The following VPS13D variants were observed in gnomAD, a reference collection of about 807,000 sequenced individuals.
The protein encoded by VPS13D is intermembrane lipid transfer protein VPS13D.
In VPS13D, 187 loss-of-function variants were observed where a neutral mutation model predicts 461.9. That is an observed-to-expected ratio of 0.40 (90% CI 0.36 to 0.46). The LOEUF is 0.46. Ranked by LOEUF, VPS13D falls within the 20% of genes least tolerant of loss-of-function variation. The pLI, the probability that VPS13D is intolerant of heterozygous loss-of-function variation, is 0.60. For synonymous variants in VPS13D, 1,951 were observed against 1,986.3 expected, an observed-to-expected ratio of 0.98 and a Z score of 0.47; for missense variants, 4,711 against 5,364.9, an observed-to-expected ratio of 0.88 and a Z score of 3.81.
intron 44 of VPS13D, among the ~76,000 whole-genome samples, chr1:12,347,996 C>G (rs1643712496): frequency 6.6e-6 from 1 of 152,090 alleles, no homozygotes; most frequent in East Asian, 1.9e-4. Flanking sequence ...CCTTGGTGTC[C>G]TTTTTATGAA....
In VPS13D at chr1:12,502,872, C is replaced by T. The variant is rs1386302395; in HGVS notation, c.12795-3981C>T. On this transcript the variant is annotated intron_variant, in intron 68 of 69. Transcript: ENST00000620676. The surrounding 1 kb of genome is among the most constrained non-coding windows in gnomAD (Gnocchi z 4.3). ...TCAACAGAAGAGCTACCATTAACTG[C>T]GGATCTCTTCTGTGTGGGGCACGTA... is the stretch of plus-strand genomic sequence containing the variant. Among the ~76,000 whole-genome samples the T allele has an allele frequency of 2.6e-5, 4 of 152,244 alleles. No individual in the cohort carries two copies. The highest frequency in any genetic ancestry group is 2.1e-4 in the South Asian group (1 of 4,824).
At chr1:12,239,482 G>A (rs1195189488) in intron 2 of VPS13D, among the ~76,000 whole-genome samples, 1 of 152,234 alleles carries the variant, frequency 6.6e-6, no homozygotes, top group African/African-American at 2.4e-5. Context: ...CACTGGGCAG[G>A]TCCCCACATT....
At position 12,279,798 on chromosome 1, in the gene VPS13D, C is replaced by A; in HGVS notation, c.4602+148C>A. 2 of 765,308 alleles carry A rather than the reference C, an allele frequency of 2.6e-6. No individual in the cohort carries two copies. Among genetic ancestry groups the A allele is most frequent in the Non-Finnish European group, 3.7e-6 (2 of 545,688 alleles). The allele number at this position is 765,308 out of a possible 1,614,324, so 47.4% of individuals were successfully genotyped here. ...ATAATACCATTGTTGAAACCTTGTT[C>A]CAATAATTGTGGAATCCTTTTGTCA... On this transcript the variant is annotated intron_variant, in intron 20 of 69. Coordinates refer to ENST00000620676, the MANE Select transcript of VPS13D (RefSeq NM_015378.4). The surrounding 1 kb of genome is among the most constrained non-coding windows in gnomAD (Gnocchi z 4.3).
At chr1:12,323,863 G>T (rs1643109360) in intron 35 of VPS13D, 83 bp downstream of exon 35, 1 of 1,412,826 alleles carries the variant, frequency 7.1e-7, no homozygotes, top group African/African-American at 1.4e-5. Flanking sequence ...TCCACAAGGT[G>T]ACTTAGAGAG....
At chr1:12,346,724 A>T (rs1643684930) in intron 44 of VPS13D, 72 bp downstream of exon 44, 1 of 1,377,256 alleles carries the variant, frequency 7.3e-7, no homozygotes, top group Non-Finnish European at 1.0e-6. Flanking sequence ...GTGGATATAC[A>T]TTTCTTAATG....
intron 63 of VPS13D, among the ~76,000 whole-genome samples, chr1:12,412,881 G>T (rs1178549521): frequency 6.6e-6 from 1 of 152,122 alleles, no homozygotes; most frequent in African/African-American, 2.4e-5. Flanking sequence ...AATGGAAGAA[G>T]ATATTTGCAA....
At chr1:12,427,735 G>T (rs991620602) in intron 65 of VPS13D, among the ~76,000 whole-genome samples, 2 of 152,284 alleles carry the variant, frequency 1.3e-5, no homozygotes, top group Middle Eastern at 3.4e-3. Context: ...CCAGGAACCA[G>T]TTCCCAATGG....
intron 18 of VPS13D, among the ~76,000 whole-genome samples, chr1:12,274,714 C>T (rs186360300): frequency 3.3e-4 from 50 of 152,278 alleles, no homozygotes; most frequent in Non-Finnish European, 6.3e-4. Context: ...GATCAGTTAC[C>T]GCTCACCAAG....
chr1:12,293,879 T>C (rs950945561), intron 24 of VPS13D, among the ~76,000 whole-genome samples, 175 bp downstream of exon 24: 8 of 152,252 alleles, frequency 5.3e-5, no homozygotes, highest in Non-Finnish European at 1.2e-4. Flanking sequence ...CCTTATTTAT[T>C]GTATCTCACT....
At chr1:12,295,261 G>T (rs937607759) in intron 24 of VPS13D, among the ~76,000 whole-genome samples, 3 of 148,062 alleles carry the variant, frequency 2.0e-5, no homozygotes, top group Non-Finnish European at 3.0e-5. Context: ...TTAGGTAAAA[G>T]ATTATAATTT....
At chr1:12,496,382 T>C (rs1645957268) in intron 67 of VPS13D, among the ~76,000 whole-genome samples, 2 of 152,224 alleles carry the variant, frequency 1.3e-5, no homozygotes, top group South Asian at 4.1e-4. Flanking sequence ...GCCCATTGCA[T>C]GGCCTGTGAC....
chr1:12,483,404 C>A (rs1487421247), intron 67 of VPS13D, among the ~76,000 whole-genome samples: 1 of 152,108 alleles, frequency 6.6e-6, no homozygotes, highest in Non-Finnish European at 1.5e-5. Flanking sequence ...TTGGATTTTT[C>A]TTCTTTTGTG....
intron 26 of VPS13D, among the ~76,000 whole-genome samples, chr1:12,308,004 G>A (rs772018004): frequency 6.6e-6 from 1 of 152,182 alleles, no homozygotes; most frequent in Non-Finnish European, 1.5e-5. Flanking sequence ...GGAAATGGAC[G>A]TGGTTACATG....
intron 63 of VPS13D, among the ~76,000 whole-genome samples, chr1:12,411,306 A>G (rs77342863): frequency 7.2e-5 from 11 of 152,348 alleles, no homozygotes; most frequent in African/African-American, 2.6e-4. Flanking sequence ...CATGTCAGCA[A>G]TAATAACAGA....
At chr1:12,445,605 T>G (rs1288587842) in intron 65 of VPS13D, among the ~76,000 whole-genome samples, 1 of 152,214 alleles carries the variant, frequency 6.6e-6, no homozygotes, top group Non-Finnish European at 1.5e-5. Flanking sequence ...AGGGACATCC[T>G]AGGCAAATCC....
At chr1:12,256,960 T>C (rs765480701) in intron 8 of VPS13D, 27 bp from the exon 9 acceptor site, 1 of 1,610,152 alleles carries the variant, frequency 6.2e-7, no homozygotes, top group South Asian at 1.1e-5. Flanking sequence ...TATTCTAACC[T>C]AGTATCTCTT....
At chr1:12,230,371 C>T (rs1639922192) in intron 1 of VPS13D, among the ~76,000 whole-genome samples, 1 of 152,132 alleles carries the variant, frequency 6.6e-6, no homozygotes, top group Non-Finnish European at 1.5e-5. Flanking sequence ...CGAGTCCCCG[C>T]GAGCTCCCCA....
At chr1:12,343,342 T>A (rs1643611455) in intron 42 of VPS13D, among the ~76,000 whole-genome samples, 1 of 151,900 alleles carries the variant, frequency 6.6e-6, no homozygotes, top group Non-Finnish European at 1.5e-5. Flanking sequence ...ACCTGGCTAA[T>A]TTTTTATTTT....
chr1:12,375,413 G>A (rs1199828269), intron 55 of VPS13D, among the ~76,000 whole-genome samples: 1 of 152,090 alleles, frequency 6.6e-6, no homozygotes, highest in Non-Finnish European at 1.5e-5. Context: ...TTATTTCTAT[G>A]TCTACATATC....
Sources: allele counts gnomAD v4.1 joint callset (sites outside exome capture counted in the v4.1 genomes callset), GRCh38; gene constraint gnomAD v4.1.1; non-coding constraint Gnocchi (gnomAD v3.1); transcripts MANE v1.5; gene names NCBI Gene and HGNC (gene_info 2026-07-23, HGNC 2026-07-21).